Variants in DNAJC16 observed in about 807,000 individuals in gnomAD.
DNAJC16 encodes DnaJ heat shock protein family (Hsp40) member C16.
Under a neutral mutation model 92.7 loss-of-function variants are expected in DNAJC16, and 76 were observed. The ratio of observed to expected loss-of-function variants is 0.82; its 90% CI spans 0.68 to 0.99. The LOEUF is 0.99. Among genes scored for constraint, DNAJC16 ranks in the 50% least tolerant of loss-of-function variants. The pLI is 0.00. For missense variants in DNAJC16, 869 were observed against 942.4 expected, an observed-to-expected ratio of 0.92 and a Z score of 1.02; for synonymous variants, 328 against 358.7, an observed-to-expected ratio of 0.91 and a Z score of 0.97.
In DNAJC16 at chr1:15,562,270, A is replaced by G. The variant is rs779171190; in HGVS notation, c.1283A>G (p.Gln428Arg). ...RFVHVYSNRQ[Q>R]EFADTLLPDS... Reference sequence around the variant, plus strand: ...GTGCATGTCTACAGCAATCGGCAGCAGGAGTTTGCCGACACCTTACTACCA... The same window carrying G: ...GTGCATGTCTACAGCAATCGGCAGCGGGAGTTTGCCGACACCTTACTACCA... The change falls in exon 9 of 15, where the codon CAG becomes CGG. Residue 428 changes from glutamine (Q) to arginine (R), a missense_variant. By Grantham distance (43) the Gln-to-Arg change is conservative. Coordinates refer to ENST00000375847, the MANE Select transcript of DNAJC16 (RefSeq NM_015291.4). 1.2e-6 allele frequency: 2 copies of G among 1,614,116 alleles called. No individual in the cohort carries two copies. Among genetic ancestry groups the G allele is most frequent in the Admixed American group, 3.3e-5 (2 of 60,012 alleles).
intron 1 of DNAJC16, among the ~76,000 whole-genome samples, chr1:15,527,562 G>C (rs1312629754): frequency 1.3e-5 from 2 of 152,198 alleles, no homozygotes; most frequent in East Asian, 3.8e-4. Context: ...AGGTAATAAA[G>C]TAGTGGAGAA....
Position 15,546,868 on chromosome 1 carries a change from C to A in DNAJC16, c.861C>A (p.Tyr287Ter). Residue 287 changes from tyrosine (Y) to a stop codon, truncating the protein, a stop_gained, in exon 6 of 15, where the codon TAC (tyrosine) becomes TAA (stop). Transcript: ENST00000375847. LOFTEE classifies it high-confidence loss of function. ...FDQTPIVPLL[Y>*]KLTAFAYKDY... is the part of the protein sequence containing the mutation. ...AAACGCCCATTGTGCCACTGTTATA[C>A]AAGGTACTTTCTATGCTAGGATAAT... 3 of 1,568,056 alleles carry A rather than the reference C, an allele frequency of 1.9e-6. No individual in the cohort carries two copies. Among genetic ancestry groups the A allele is most frequent in the Non-Finnish European group, 2.6e-6 (3 of 1,142,456 alleles).
chr1:15,567,307 A>T (rs112673656), intron 14 of DNAJC16, 38 bp downstream of exon 14: 81 of 1,376,816 alleles, frequency 5.9e-5, no homozygotes, highest in Admixed American at 2.7e-4. Flanking sequence ...TATGTGTGTG[A>T]GAGAGAGAGA....
intron 7 of DNAJC16, among the ~76,000 whole-genome samples, chr1:15,551,054 G>C (rs1638431719): frequency 6.6e-6 from 1 of 152,148 alleles, no homozygotes; most frequent in Non-Finnish European, 1.5e-5. Context: ...ATTTTTAGTA[G>C]AGATGGGGTT....
intron 7 of DNAJC16, among the ~76,000 whole-genome samples, chr1:15,555,264 G>C (rs1422175985): frequency 6.6e-6 from 1 of 151,178 alleles, no homozygotes. Context: ...GCATGCTCCT[G>C]TAGTCCCAGC....
chr1:15,530,133 T>C (rs1710620303), intron 2 of DNAJC16, among the ~76,000 whole-genome samples: 2 of 151,022 alleles, frequency 1.3e-5, no homozygotes, highest in African/African-American at 4.9e-5. Flanking sequence ...AAAAAAAAAA[T>C]TGGCCTGGCA....
In DNAJC16 at chr1:15,534,255, A is replaced by C; in HGVS notation, c.186A>C (p.Lys62Asn). The C allele has an allele frequency of 6.2e-7, 1 of 1,614,010 alleles. No homozygotes were observed. The highest frequency in any genetic ancestry group is 8.5e-7 in the Non-Finnish European group (1 of 1,179,960). Residue 62 changes from lysine (K) to asparagine (N), a missense_variant, in exon 3 of 15, where the codon AAA becomes AAC. Coordinates refer to ENST00000375847, the MANE Select transcript of DNAJC16 (RefSeq NM_015291.4). ...LAREWHPDKN[K>N]DPGAEDKFIQ... ...GTTTCAGGCATCCTGACAAAAACAA[A>C]GATCCTGGAGCAGAAGACAAGTTCA...
intron 4 of DNAJC16, among the ~76,000 whole-genome samples, chr1:15,542,555 G>A (rs555122125): frequency 3.3e-5 from 5 of 152,266 alleles, no homozygotes; most frequent in African/African-American, 9.6e-5. Flanking sequence ...TGAGCAGCTC[G>A]AGCAAGTTAG....
rs1411008963 is a variant in DNAJC16, at chr1:15,570,469, C to G, written c.*2292C>G. ...CAAGCAGTCCTTCCACCTTGGCCTC[C>G]CAAAGTGCTGGGATTATCAATATGA... On this transcript the variant is annotated 3_prime_UTR_variant, in exon 15 of 15. Coordinates refer to ENST00000375847, the MANE Select transcript of DNAJC16 (RefSeq NM_015291.4). 1.3e-5 allele frequency: 2 copies of G among 152,238 alleles called. No homozygotes were observed. Among genetic ancestry groups the G allele is most frequent in the African/African-American group, 4.8e-5 (2 of 41,380 alleles). The allele number at this position is 152,238 out of a possible 1,614,324, so 9.4% of individuals were successfully genotyped here.
intron 7 of DNAJC16, among the ~76,000 whole-genome samples, chr1:15,557,392 C>CTT (rs1557584363): frequency 6.6e-6 from 1 of 152,116 alleles, no homozygotes. Flanking sequence ...TATGCCTTCT[C>CTT]TTTTGTTTTC....
Position 15,567,178 on chromosome 1 carries a change from C to T in DNAJC16, c.1858C>T (p.Pro620Ser). ...CACCAGTAACTTGGTACGTCTGAGG[C>T]CAGGCCACATGAATGTGGTCCTCAT... ...TYTSNLVRLR[P>S]GHMNVVLILS... The change falls in exon 14 of 15, where the codon CCA becomes TCA. Residue 620 changes from proline (P) to serine (S), a missense_variant. By Grantham distance (74) the Pro-to-Ser change is moderately conservative. Coordinates refer to ENST00000375847, the MANE Select transcript of DNAJC16 (RefSeq NM_015291.4). 1 of 1,614,130 alleles carries T rather than the reference C, an allele frequency of 6.2e-7. No homozygotes were observed. Among genetic ancestry groups the T allele is most frequent in the Non-Finnish European group, 8.5e-7 (1 of 1,179,970 alleles).
chr1:15,549,670 C>T (rs535106093), intron 7 of DNAJC16, among the ~76,000 whole-genome samples: 3 of 151,998 alleles, frequency 2.0e-5, no homozygotes, highest in East Asian at 1.9e-4. Context: ...AAAAATTAGC[C>T]GGGCGTGGTG....
At chr1:15,533,462 A>G (rs1226633694) in intron 2 of DNAJC16, among the ~76,000 whole-genome samples, 1 of 152,130 alleles carries the variant, frequency 6.6e-6, no homozygotes, top group Non-Finnish European at 1.5e-5. Flanking sequence ...CCCCATCTCT[A>G]CTAAAAATAC....
rs534068030 is a variant in DNAJC16, at chr1:15,559,383, C to T, written c.1024-143C>T. The T allele has an allele frequency of 1.4e-5, 15 of 1,079,270 alleles. No homozygotes were observed. In the East Asian group the frequency reaches 2.0e-4, roughly 14 times the overall value. 66.9% of individuals were successfully genotyped at this position (1,079,270 alleles called of 1,614,324 possible). On this transcript the variant is annotated intron_variant, in intron 7 of 14. Coordinates refer to ENST00000375847, the MANE Select transcript of DNAJC16 (RefSeq NM_015291.4). ...TGAAATAGATCACCACATGTTTATTCGCTCAAACAGGTCTGTCTTGTTTGG... is the reference window on the plus strand; with the variant it reads ...TGAAATAGATCACCACATGTTTATTTGCTCAAACAGGTCTGTCTTGTTTGG...
chr1:15,549,644 C>T (rs7513040), intron 7 of DNAJC16, among the ~76,000 whole-genome samples: 3 of 151,526 alleles, frequency 2.0e-5, no homozygotes, highest in African/African-American at 4.9e-5. Context: ...GAAACCCCGT[C>T]TCTACTAAAA....
At chr1:15,536,075 T>TC (rs1261508418) in intron 3 of DNAJC16, among the ~76,000 whole-genome samples, 2 of 143,774 alleles carry the variant, frequency 1.4e-5, no homozygotes, top group African/African-American at 2.6e-5. Flanking sequence ...TTCTTTTCTT[T>TC]TTTTTTTTTT....
rs1553147247 is a variant in DNAJC16, at chr1:15,544,185, C to CAT, written c.575-213_575-212dup. Among the ~76,000 whole-genome samples, 140 of 148,008 alleles carry CAT rather than the reference C, an allele frequency of 9.5e-4. 1 individual carries two copies. Among genetic ancestry groups the CAT allele is most frequent in the African/African-American group, 3.3e-3 (135 of 40,344 alleles). On this transcript the variant is annotated intron_variant, in intron 4 of 14. Coordinates refer to ENST00000375847, the MANE Select transcript of DNAJC16 (RefSeq NM_015291.4). ...ACACACACACACACACACACACACA[C>CAT]ATTTGTAACTCTTCTTACATATTGC... is the stretch of plus-strand genomic sequence containing the variant.
At chr1:15,567,628 C>G in intron 14 of DNAJC16, 150 bp from the exon 15 acceptor site, 1 of 869,940 alleles carries the variant, frequency 1.1e-6, no homozygotes, top group Non-Finnish European at 1.8e-6. Context: ...GGCACTGGCT[C>G]CCACAGAAGG....
chr1:15,567,141 A>G lies in DNAJC16; in HGVS notation c.1821A>G (p.Thr607=), dbSNP rs1638830984. 6.2e-7 allele frequency: 1 copy of G among 1,613,322 alleles called. No homozygotes were observed. The highest frequency in any genetic ancestry group is 2.2e-5 in the East Asian group (1 of 44,846). The change falls in exon 14 of 15, where the codon ACA becomes ACG. Residue 607 remains threonine (T), a synonymous_variant. Coordinates refer to ENST00000375847, the MANE Select transcript of DNAJC16 (RefSeq NM_015291.4). ...GCTTTGTGGAGGTAACTGAACTCAC[A>G]GATGTAACATACACCAGTAACTTGG... is the stretch of plus-strand genomic sequence containing the variant. ...KKGFVEVTEL[T]DVTYTSNLVR... is the part of the protein sequence containing the mutation.
Sources: allele counts gnomAD v4.1 joint callset (sites outside exome capture counted in the v4.1 genomes callset), GRCh38; gene constraint gnomAD v4.1.1; transcripts MANE v1.5; gene names NCBI Gene and HGNC (gene_info 2026-07-23, HGNC 2026-07-21).